The following WWOX variants were observed in gnomAD, a reference collection of about 807,000 sequenced individuals.
The protein encoded by WWOX is WW domain containing oxidoreductase.
A neutral mutation model predicts 46.2 loss-of-function variants in WWOX; 69 were observed. That is an observed-to-expected ratio of 1.49 (90% CI 1.23 to 1.82). The LOEUF is 1.82. WWOX is among the 40% of genes most tolerant of loss of function. The probability of loss-of-function intolerance (pLI) is 0.00; values close to 1 mark genes in which losing one functional copy is unlikely to be tolerated. For missense variants in WWOX, 919 were observed against 542.6 expected (o/e 1.69, Z -6.89); for synonymous variants, 359 against 202.6 (o/e 1.77, Z -6.56).
intron 5 of WWOX, among the ~76,000 whole-genome samples, chr16:78,233,098 T>C (rs2037321838): frequency 6.6e-6 from 1 of 152,204 alleles, no homozygotes; most frequent in Non-Finnish European, 1.5e-5. Context: ...AAATACCCAT[T>C]ATTTTGGCTG....
chr16:78,203,184 G>C (rs942847551), intron 5 of WWOX, among the ~76,000 whole-genome samples: 2 of 152,102 alleles, frequency 1.3e-5, no homozygotes, highest in Non-Finnish European at 2.9e-5. Flanking sequence ...GCAGAGCCTG[G>C]CGGAGTTCAT....
chr16:78,329,320 G>A (rs905171763), intron 5 of WWOX, among the ~76,000 whole-genome samples: 1 of 152,156 alleles, frequency 6.6e-6, no homozygotes, highest in Non-Finnish European at 1.5e-5. Context: ...ATTTGGGGAA[G>A]GGCTCTCTGA....
At chr16:78,647,066 A>G (rs926665555) in intron 8 of WWOX, among the ~76,000 whole-genome samples, 4 of 152,098 alleles carry the variant, frequency 2.6e-5, no homozygotes, top group African/African-American at 9.7e-5. Flanking sequence ...TGACCCAGCA[A>G]CTTCCTTCCC....
At chr16:78,630,853 A>G (rs990030545) in intron 8 of WWOX, among the ~76,000 whole-genome samples, 4 of 146,500 alleles carry the variant, frequency 2.7e-5, no homozygotes, top group Non-Finnish European at 6.1e-5. Flanking sequence ...GGGTGAATGA[A>G]CGAAAGAGGC....
intron 4 of WWOX, among the ~76,000 whole-genome samples, chr16:78,130,316 A>C (rs776803368): frequency 1.3e-5 from 2 of 152,148 alleles, no homozygotes; most frequent in Non-Finnish European, 2.9e-5. Flanking sequence ...AAAGGTAGCT[A>C]ACTTTCCTTA....
intron 8 of WWOX, chr16:78,994,328 G>A (rs1028098781): frequency 6.6e-6 from 1 of 152,134 alleles, no homozygotes. Context: ...ATGAGGAAGT[G>A]CCTCATGTGA....
intron 8 of WWOX, among the ~76,000 whole-genome samples, chr16:79,171,072 C>T (rs1193154419): frequency 6.6e-6 from 1 of 152,180 alleles, no homozygotes; most frequent in Non-Finnish European, 1.5e-5. Context: ...TATGTTTATT[C>T]AGTGGTGATT....
chr16:78,933,419 A>C (rs1315010777), intron 8 of WWOX, among the ~76,000 whole-genome samples: 3 of 152,212 alleles, frequency 2.0e-5, no homozygotes, highest in Admixed American at 2.0e-4. Flanking sequence ...GGCCTGGGCA[A>C]CAGAGGGAGA....
At chr16:78,639,548 G>A (rs1003139904) in intron 8 of WWOX, among the ~76,000 whole-genome samples, 1 of 150,600 alleles carries the variant, frequency 6.6e-6, no homozygotes, top group East Asian at 2.0e-4. Flanking sequence ...CCTCCCCTCA[G>A]ACTCCAGGGG....
At chr16:78,366,793 T>C (rs1423925373) in intron 5 of WWOX, among the ~76,000 whole-genome samples, 2 of 152,096 alleles carry the variant, frequency 1.3e-5, no homozygotes, top group Non-Finnish European at 2.9e-5. Flanking sequence ...GAAAGAAAAG[T>C]ATGTTAAGAC....
At chr16:78,127,934 A>C (rs573571664) in intron 4 of WWOX, among the ~76,000 whole-genome samples, 1 of 152,308 alleles carries the variant, frequency 6.6e-6, no homozygotes, top group East Asian at 1.9e-4. Context: ...TCTGAGCCTT[A>C]ATTTCCTCGT....
intron 8 of WWOX, among the ~76,000 whole-genome samples, chr16:79,002,414 G>A (rs970651585): frequency 6.6e-6 from 1 of 151,924 alleles, no homozygotes; most frequent in Non-Finnish European, 1.5e-5. Context: ...AGTAGAGACA[G>A]GGTTTTGACA....
chr16:78,655,478 T>G (rs1401379331), intron 8 of WWOX, among the ~76,000 whole-genome samples: 3 of 152,170 alleles, frequency 2.0e-5, no homozygotes, highest in Non-Finnish European at 4.4e-5. Flanking sequence ...TGTGCAGCCT[T>G]TTGTCTGCTG....
intron 8 of WWOX, among the ~76,000 whole-genome samples, chr16:78,966,439 C>T (rs546934810): frequency 6.6e-6 from 1 of 152,048 alleles, no homozygotes; most frequent in Non-Finnish European, 1.5e-5. Flanking sequence ...AATACCCTTC[C>T]ACAATATTAT....
At chr16:78,761,499 G>T (rs1271518972) in intron 8 of WWOX, among the ~76,000 whole-genome samples, 1 of 152,078 alleles carries the variant, frequency 6.6e-6, no homozygotes, top group African/African-American at 2.4e-5. Flanking sequence ...GTAGTGGTTG[G>T]TCTGCTGCTT....
chr16:78,507,142 CAG>C (rs927046393), intron 8 of WWOX, among the ~76,000 whole-genome samples: 12 of 152,160 alleles, frequency 7.9e-5, no homozygotes, highest in Non-Finnish European at 1.5e-4. Flanking sequence ...ATTCAACCAA[CAG>C]AGAACAAATG....
At chr16:78,290,635 C>T (rs1456604684) in intron 5 of WWOX, among the ~76,000 whole-genome samples, 1 of 151,644 alleles carries the variant, frequency 6.6e-6, no homozygotes, top group East Asian at 2.0e-4. Flanking sequence ...ATGTAACTTG[C>T]CGTGTCGGAC....
At chr16:78,870,632 C>G (rs1567616063) in intron 8 of WWOX, among the ~76,000 whole-genome samples, 1 of 152,164 alleles carries the variant, frequency 6.6e-6, no homozygotes, top group Non-Finnish European at 1.5e-5. Flanking sequence ...GACGGAATCT[C>G]ACTCTGTTGC....
intron 8 of WWOX, among the ~76,000 whole-genome samples, chr16:78,742,275 C>G (rs1406005933): frequency 6.6e-6 from 1 of 152,178 alleles, no homozygotes; most frequent in Admixed American, 6.5e-5. Context: ...TTGGAGACCA[C>G]TCAGGACAGG....
Sources: allele counts gnomAD v4.1 joint callset (sites outside exome capture counted in the v4.1 genomes callset), GRCh38; gene constraint gnomAD v4.1.1; transcripts MANE v1.5; gene names NCBI Gene and HGNC (gene_info 2026-07-23, HGNC 2026-07-21).